Variants in ADIPOQ observed in about 807,000 individuals in gnomAD.
ADIPOQ encodes adiponectin.
In ADIPOQ, 19 loss-of-function variants were observed where a neutral mutation model predicts 16.1. The observed-to-expected ratio is 1.18, with a 90% CI of 0.82 to 1.73. The LOEUF is 1.73. Among genes scored for constraint, ADIPOQ ranks in the 40% most tolerant of loss-of-function variants. The pLI is 0.00. For synonymous variants in ADIPOQ, 124 were observed against 125.5 expected, an observed-to-expected ratio of 0.99 and a Z score of 0.08; for missense variants, 323 against 308.3, an observed-to-expected ratio of 1.05 and a Z score of -0.36.
chr3:186,847,646 T>C (rs1367694362), intron 1 of ADIPOQ, among the ~76,000 whole-genome samples: 3 of 152,196 alleles, frequency 2.0e-5, no homozygotes, highest in Non-Finnish European at 4.4e-5. Context: ...CCAAAAACAA[T>C]TAAGCAGATT....
At chr3:186,848,014 A>G (rs886867141) in intron 1 of ADIPOQ, among the ~76,000 whole-genome samples, 2 of 152,206 alleles carry the variant, frequency 1.3e-5, no homozygotes, top group East Asian at 1.9e-4. Context: ...TCTACTAAAA[A>G]TACAAAAAAT....
In ADIPOQ at chr3:186,855,153, A is replaced by G. The variant is rs200429302; in HGVS notation, c.*449A>G. 10 of 198,084 alleles carry G rather than the reference A, an allele frequency of 5.0e-5. 2 individuals are homozygous for G. Among genetic ancestry groups the G allele is most frequent in the Middle Eastern group, 2.3e-3 (1 of 430 alleles). 12.3% of individuals were successfully genotyped at this position (198,084 alleles called of 1,614,324 possible). On this transcript the variant is annotated 3_prime_UTR_variant, in exon 3 of 3. Transcript: ENST00000320741. Reference sequence around the variant, plus strand: ...CTAGACTGTGCCCTTTTATAGAGGTACATGTTCTCTTTGGAGTGTTGGTAG... The same window carrying G: ...CTAGACTGTGCCCTTTTATAGAGGTGCATGTTCTCTTTGGAGTGTTGGTAG...
At position 186,853,097 on chromosome 3, in the gene ADIPOQ, G is replaced by A. The variant is rs376174575; in HGVS notation, c.39G>A (p.Leu13=). Reference sequence around the variant, plus strand: ...GAGCTGTTCTACTGCTATTAGCTCTGCCCGGTCATGACCAGGAAACCACGA... The same window carrying A: ...GAGCTGTTCTACTGCTATTAGCTCTACCCGGTCATGACCAGGAAACCACGA... ...LLGAVLLLLA[L]PGHDQETTTQ... Residue 13 remains leucine, a synonymous_variant, in exon 2 of 3, where the codon CTG becomes CTA. Coordinates refer to ENST00000320741, the MANE Select transcript of ADIPOQ (RefSeq NM_004797.4). 3.2e-5 allele frequency: 52 copies of A among 1,614,022 alleles called. No individual in the cohort carries two copies. In the African/African-American group the frequency reaches 5.2e-4, roughly 16 times the overall value.
In ADIPOQ at chr3:186,855,548, G is replaced by A. The variant is rs1472277108; in HGVS notation, c.*844G>A. On this transcript the variant is annotated 3_prime_UTR_variant, in exon 3 of 3. Transcript: ENST00000320741. ...CGGCTCACTGCAGCCTCCTTCTCCT[G>A]GGTCCAAGCAATTATTGTGCCTCAG... 1 of 151,488 alleles carries A rather than the reference G, an allele frequency of 6.6e-6. No homozygotes were observed. The highest frequency in any genetic ancestry group is 1.5e-5 in the Non-Finnish European group (1 of 67,988). The allele number at this position is 151,488 out of a possible 1,614,324, so 9.4% of individuals were successfully genotyped here. A position where few individuals can be genotyped will look rare whatever the true frequency, so the allele number is the denominator to read the frequency against.
At chr3:186,849,581 G>A (rs1711679601) in intron 1 of ADIPOQ, among the ~76,000 whole-genome samples, 1 of 152,080 alleles carries the variant, frequency 6.6e-6, no homozygotes. Context: ...ATAAATGATG[G>A]TAGTGGGTCT....
intron 1 of ADIPOQ, among the ~76,000 whole-genome samples, chr3:186,851,260 A>G (rs1384825118): frequency 6.6e-6 from 1 of 152,224 alleles, no homozygotes; most frequent in Non-Finnish European, 1.5e-5. Context: ...GTTTAGAATC[A>G]GATTCTTGGG....
chr3:186,844,734 T>G (rs180753306), intron 1 of ADIPOQ, among the ~76,000 whole-genome samples: 2 of 151,994 alleles, frequency 1.3e-5, no homozygotes, highest in African/African-American at 4.8e-5. Context: ...TTTGTAGAGA[T>G]GAGGTCTCAC....
chr3:186,844,289 A>T (rs1711522005), intron 1 of ADIPOQ, among the ~76,000 whole-genome samples: 1 of 152,106 alleles, frequency 6.6e-6, no homozygotes, highest in Admixed American at 6.6e-5. Flanking sequence ...CTGAGACTAC[A>T]GGCATGCGCC....
chr3:186,844,148 C>G (rs1711516584), intron 1 of ADIPOQ, among the ~76,000 whole-genome samples: 1 of 152,172 alleles, frequency 6.6e-6, no homozygotes, highest in African/African-American at 2.4e-5. Context: ...GGGAGCCCGG[C>G]AGCTTCCTCA....
At chr3:186,847,505 G>A (rs962630325) in intron 1 of ADIPOQ, among the ~76,000 whole-genome samples, 11 of 152,168 alleles carry the variant, frequency 7.2e-5, no homozygotes, top group Non-Finnish European at 4.4e-5. Context: ...ATTGATTATG[G>A]TGAATCAGAA....
Position 186,853,211 on chromosome 3 carries a change from GGCCCCAGGCCGT to G in ADIPOQ, c.155_166del (p.Ala52_Arg55del). ...TCCCAGGGCATCCGGGCCATAATGG[GGCCCCAGGCCGT>G]GATGGCAGAGATGGCACCCCTGGTG... On this transcript the variant is annotated inframe_deletion, in exon 2 of 3. Transcript: ENST00000320741. The G allele has an allele frequency of 6.2e-7, 1 of 1,613,904 alleles. No homozygotes were observed. Among genetic ancestry groups the G allele is most frequent in the Non-Finnish European group, 8.5e-7 (1 of 1,179,930 alleles).
At chr3:186,849,671 T>C (rs1711681993) in intron 1 of ADIPOQ, among the ~76,000 whole-genome samples, 1 of 152,164 alleles carries the variant, frequency 6.6e-6, no homozygotes, top group Non-Finnish European at 1.5e-5. Flanking sequence ...CTGTCTCTCT[T>C]CTCTCTGTCT....
rs577299315 is a variant in ADIPOQ, at chr3:186,856,102, G to C, written c.*1398G>C. The C allele has an allele frequency of 9.8e-5, 15 of 152,330 alleles. No individual in the cohort carries two copies. The highest frequency in any genetic ancestry group is 3.6e-4 in the African/African-American group (15 of 41,582). 9.4% of individuals were successfully genotyped at this position (152,330 alleles called of 1,614,324 possible). ...GAACACGTCCAGAATTTTTCATCAAGAAGGTAGCTTGAGCCTGAAATGCAA... is the reference window on the plus strand; with the variant it reads ...GAACACGTCCAGAATTTTTCATCAACAAGGTAGCTTGAGCCTGAAATGCAA... On this transcript the variant is annotated 3_prime_UTR_variant, in exon 3 of 3. Coordinates refer to ENST00000320741, the MANE Select transcript of ADIPOQ (RefSeq NM_004797.4).
intron 1 of ADIPOQ, 30 bp from the exon 2 acceptor site, chr3:186,853,021 C>T (rs201681868): frequency 9.7e-5 from 156 of 1,612,342 alleles, no homozygotes; most frequent in Non-Finnish European, 1.3e-4. Flanking sequence ...TCTGTCTCTC[C>T]ATGGCTGACA....
chr3:186,847,410 A>G, intron 1 of ADIPOQ, among the ~76,000 whole-genome samples: 1 of 152,252 alleles, frequency 6.6e-6, no homozygotes, highest in East Asian at 1.9e-4. Context: ...ATAAAAAGTA[A>G]CAAAATTTGT....
chr3:186,848,187 A>AAG lies in ADIPOQ; in HGVS notation c.-8-4854_-8-4853dup, dbSNP rs1553805188. The stretch of plus-strand genomic sequence containing the variant: ...GACTCCACTTCAGAAACAAAAAAAA[A>AAG]AGAGAGAGAGAAAAGAAGGAAGGAA... On this transcript the variant is annotated intron_variant, in intron 1 of 2. Coordinates refer to ENST00000320741, the MANE Select transcript of ADIPOQ (RefSeq NM_004797.4). Among the ~76,000 whole-genome samples the AAG allele has an allele frequency of 2.1e-4, 28 of 131,848 alleles. 1 individual carries two copies. Among genetic ancestry groups the AAG allele is most frequent in the African/African-American group, 2.8e-4 (10 of 35,764 alleles). The allele number at this position is 131,848 out of a possible 152,430, so 86.5% of individuals were successfully genotyped here.
In ADIPOQ at chr3:186,854,241, C is replaced by G. The variant is rs200470297; in HGVS notation, c.272C>G (p.Pro91Arg). 1 of 1,613,574 alleles carries G rather than the reference C, an allele frequency of 6.2e-7. No individual in the cohort carries two copies. The highest frequency in any genetic ancestry group is 8.5e-7 in the Non-Finnish European group (1 of 1,179,588). ...GETGVPGAEG[P>R]RGFPGIQGRK... ...ACCGGAGTACCCGGGGCTGAAGGTC[C>G]CCGAGGCTTTCCGGGAATCCAAGGC... Residue 91 changes from proline (P) to arginine (R), a missense_variant, in exon 3 of 3, where the codon CCC becomes CGC. Physicochemically the swap from Pro to Arg is moderately radical, Grantham distance 103 (BLOSUM62 -2). Coordinates refer to ENST00000320741, the MANE Select transcript of ADIPOQ (RefSeq NM_004797.4).
intron 1 of ADIPOQ, among the ~76,000 whole-genome samples, chr3:186,843,678 A>T (rs1029903274): frequency 1.4e-5 from 2 of 145,908 alleles, no homozygotes; most frequent in African/African-American, 5.1e-5. Flanking sequence ...AAAAAAAAAG[A>T]AAGAAAAGAA....
Position 186,854,948 on chromosome 3 carries a change from C to T in ADIPOQ, c.*244C>T, listed in dbSNP as rs375881971. On this transcript the variant is annotated 3_prime_UTR_variant, in exon 3 of 3. Coordinates refer to ENST00000320741, the MANE Select transcript of ADIPOQ (RefSeq NM_004797.4). ...GACTAGAAAGAAGTAGTTGACAGTG[C>T]TATTTTGTGCCCACTGTCTCTCCTG... is the stretch of plus-strand genomic sequence containing the variant. 1 of 561,606 alleles carries T rather than the reference C, an allele frequency of 1.8e-6. No homozygotes were observed. Among genetic ancestry groups the T allele is most frequent in the Non-Finnish European group, 3.1e-6 (1 of 319,668 alleles). The allele number at this position is 561,606 out of a possible 1,614,324, so 34.8% of individuals were successfully genotyped here.
Sources: gnomAD v4.1 joint callset for allele counts (sites outside exome capture counted in the v4.1 genomes callset) on GRCh38, gnomAD v4.1.1 for gene constraint, MANE v1.5 for transcripts, NCBI Gene and HGNC (gene_info 2026-07-23, HGNC 2026-07-21) for gene names.